Variants in LINGO2 observed in about 807,000 individuals in gnomAD.
LINGO2 encodes leucine rich repeat and Ig domain containing 2, also known as leucine-rich repeat and immunoglobulin-like domain-containing nogo receptor-interacting protein 2.
LINGO2 carries 14 observed loss-of-function variants against 30.6 expected under a neutral mutation model. The observed-to-expected ratio is 0.46, with a 90% CI of 0.30 to 0.72. The LOEUF (loss-of-function observed/expected upper bound fraction) is 0.72. Among genes scored for constraint, LINGO2 ranks in the 30% least tolerant of loss-of-function variants. The pLI, the probability that LINGO2 is intolerant of heterozygous loss-of-function variation, is 0.07. For synonymous variants in LINGO2, 317 were observed against 288.5 expected, an observed-to-expected ratio of 1.10 and a Z score of -1.00; for missense variants, 729 against 751.7, an observed-to-expected ratio of 0.97 and a Z score of 0.35.
intron 4 of LINGO2, among the ~76,000 whole-genome samples, chr9:28,019,897 G>A (rs1280523012): frequency 1.3e-5 from 2 of 152,128 alleles, no homozygotes; most frequent in Admixed American, 6.5e-5. Flanking sequence ...CAAATGAGGA[G>A]ATGGGCCAGG....
intron 5 of LINGO2, among the ~76,000 whole-genome samples, chr9:27,964,814 C>T (rs1297018742): frequency 1.3e-5 from 2 of 152,058 alleles, no homozygotes; most frequent in Non-Finnish European, 2.9e-5. Context: ...ATGAGTAAAT[C>T]TCCATTCTGG....
chr9:28,521,264 G>C (rs965700233), intron 1 of LINGO2, among the ~76,000 whole-genome samples: 1 of 152,050 alleles, frequency 6.6e-6, no homozygotes, highest in African/African-American at 2.4e-5. Context: ...TAGAAACATC[G>C]TCTCTGAAAT....
At chr9:28,406,121 A>G (rs796205920) in intron 2 of LINGO2, among the ~76,000 whole-genome samples, 5 of 152,210 alleles carry the variant, frequency 3.3e-5, no homozygotes, top group African/African-American at 1.2e-4. Flanking sequence ...ATAGAATTTG[A>G]AGTTTTGACT....
intron 4 of LINGO2, among the ~76,000 whole-genome samples, chr9:28,207,769 T>TA (rs1820458430): frequency 6.6e-6 from 1 of 152,134 alleles, no homozygotes; most frequent in Non-Finnish European, 1.5e-5. Flanking sequence ...TATGAAGACA[T>TA]AAACATTTGG....
At chr9:28,627,895 A>G (rs1826753190) in intron 1 of LINGO2, among the ~76,000 whole-genome samples, 2 of 152,056 alleles carry the variant, frequency 1.3e-5, no homozygotes, top group South Asian at 4.1e-4. Context: ...GTTATTAGGC[A>G]TTAGAAATTT....
intron 4 of LINGO2, among the ~76,000 whole-genome samples, chr9:28,014,206 T>C (rs1434502108): frequency 3.9e-5 from 6 of 152,182 alleles, no homozygotes; most frequent in African/African-American, 1.4e-4. Context: ...AATTAAATTA[T>C]TCTTTAGAAT....
At chr9:28,024,154 C>T (rs868045034) in intron 4 of LINGO2, among the ~76,000 whole-genome samples, 2 of 152,288 alleles carry the variant, frequency 1.3e-5, no homozygotes, top group African/African-American at 2.4e-5. Flanking sequence ...CTGGAAATGG[C>T]CCTTTCTGAG....
At chr9:29,203,164 C>T in the LINGO2 span, among the ~76,000 whole-genome samples, 8 of 151,958 alleles carry the variant, frequency 5.3e-5, no homozygotes, top group Admixed American at 2.0e-4. Context: ...GAATGATCTT[C>T]GCTGATTATA....
chr9:29,012,028 C>A, the LINGO2 span, among the ~76,000 whole-genome samples: 1 of 152,150 alleles, frequency 6.6e-6, no homozygotes, highest in East Asian at 1.9e-4. Flanking sequence ...GTGATAAGAA[C>A]TTTGATTGCA....
intron 4 of LINGO2, among the ~76,000 whole-genome samples, chr9:28,225,695 A>G (rs1821120232): frequency 6.6e-6 from 1 of 152,180 alleles, no homozygotes; most frequent in Admixed American, 6.5e-5. Flanking sequence ...AAATAGAAAT[A>G]TGAGCAAAAC....
chr9:27,948,658 G>C (rs1424257461), exon 6 of LINGO2: 1 of 651,496 alleles, frequency 1.5e-6, no homozygotes, highest in African/African-American at 1.8e-5. Context: ...CTGTGTGAAG[G>C]GCTCTGACAC....
intron 4 of LINGO2, among the ~76,000 whole-genome samples, chr9:28,235,226 C>A (rs1408805196): frequency 3.3e-5 from 5 of 152,174 alleles, no homozygotes; most frequent in Non-Finnish European, 5.9e-5. Context: ...GAACGAGAGT[C>A]TCTGCCTTGT....
At chr9:28,043,973 A>G (rs547199579) in intron 4 of LINGO2, among the ~76,000 whole-genome samples, 4 of 152,294 alleles carry the variant, frequency 2.6e-5, no homozygotes, top group African/African-American at 9.6e-5. Flanking sequence ...TGTTAGTACT[A>G]TTTTTAATCT....
chr9:28,863,905 T>G, the LINGO2 span, among the ~76,000 whole-genome samples: 1 of 152,234 alleles, frequency 6.6e-6, no homozygotes, highest in South Asian at 2.1e-4. Context: ...AAATGCATGC[T>G]TTCTATATTA....
chr9:28,489,896 C>CAAAAAAAA (rs36068240), intron 1 of LINGO2, among the ~76,000 whole-genome samples: 6 of 66,918 alleles, frequency 9.0e-5, no homozygotes, highest in Non-Finnish European at 1.5e-4. Context: ...GACTTTGTCT[C>CAAAAAAAA]AAAAAAAAAA....
chr9:28,800,397 G>A, the LINGO2 span, among the ~76,000 whole-genome samples: 889 of 151,998 alleles, frequency 5.8e-3, 2 homozygotes, highest in Middle Eastern at 0.02. Context: ...CATATTCTAC[G>A]TCTTTCTTAG....
chr9:28,102,367 A>G (rs899909754), intron 4 of LINGO2, among the ~76,000 whole-genome samples: 4 of 152,112 alleles, frequency 2.6e-5, no homozygotes, highest in African/African-American at 9.7e-5. Context: ...AACACAAACC[A>G]GAGAGGGGGA....
At chr9:28,613,040 T>C (rs1056996458) in intron 1 of LINGO2, among the ~76,000 whole-genome samples, 2 of 152,112 alleles carry the variant, frequency 1.3e-5, no homozygotes, top group African/African-American at 4.8e-5. Context: ...TGGTAGTTCC[T>C]CCGGTGTTCA....
At chr9:28,775,532 C>T in the LINGO2 span, among the ~76,000 whole-genome samples, 1 of 152,044 alleles carries the variant, frequency 6.6e-6, no homozygotes, top group Non-Finnish European at 1.5e-5. Flanking sequence ...TTCTAGATGC[C>T]ATGGGAAAGA....
Sources: allele counts gnomAD v4.1 joint callset (sites outside exome capture counted in the v4.1 genomes callset), GRCh38; gene constraint gnomAD v4.1.1; transcripts MANE v1.5; gene names NCBI Gene and HGNC (gene_info 2026-07-23, HGNC 2026-07-21).